The following FOXP1 variants were observed in gnomAD, a reference collection of about 807,000 sequenced individuals.
The protein encoded by FOXP1 is forkhead box P1.
A neutral mutation model predicts 98.2 loss-of-function variants in FOXP1; 15 were observed. The ratio of observed to expected loss-of-function variants is 0.15; its 90% CI spans 0.10 to 0.24. The LOEUF (loss-of-function observed/expected upper bound fraction) is 0.24. Among genes scored for constraint, FOXP1 ranks in the 10% least tolerant of loss-of-function variants. The pLI is 1.00. For synonymous variants in FOXP1, 371 were observed against 314.5 expected, an observed-to-expected ratio of 1.18 and a Z score of -1.90; for missense variants, 633 against 848.5, an observed-to-expected ratio of 0.75 and a Z score of 3.15.
chr3:71,311,752 T>C (rs1417393135), intron 4 of FOXP1, among the ~76,000 whole-genome samples: 2 of 152,228 alleles, frequency 1.3e-5, no homozygotes, highest in Admixed American at 1.3e-4. Flanking sequence ...ACTTGGCAGC[T>C]CTGTGCCCAC....
chr3:71,012,583 T>A, intron 12 of FOXP1, among the ~76,000 whole-genome samples: 1 of 152,204 alleles, frequency 6.6e-6, no homozygotes, highest in African/African-American at 2.4e-5. Context: ...ATGAAATAGA[T>A]TCACAGGCTT....
At chr3:71,368,609 G>GC (rs2079079841) in intron 3 of FOXP1, among the ~76,000 whole-genome samples, 5 of 152,198 alleles carry the variant, frequency 3.3e-5, no homozygotes, top group Admixed American at 2.6e-4. Flanking sequence ...GTAATCAATT[G>GC]TTGGGACTGT....
chr3:71,409,926 G>T (rs2082614383), intron 3 of FOXP1, among the ~76,000 whole-genome samples: 1 of 152,090 alleles, frequency 6.6e-6, no homozygotes. Flanking sequence ...GAGACGGGAG[G>T]ATAACCTGAG....
intron 3 of FOXP1, among the ~76,000 whole-genome samples, chr3:71,360,123 C>T (rs1405952791): frequency 1.3e-5 from 2 of 152,128 alleles, no homozygotes; most frequent in African/African-American, 4.8e-5. Flanking sequence ...GATAAATTCT[C>T]ATAATTACAG....
At chr3:71,013,738 G>C (rs2044016888) in intron 12 of FOXP1, among the ~76,000 whole-genome samples, 1 of 152,132 alleles carries the variant, frequency 6.6e-6, no homozygotes, top group Non-Finnish European at 1.5e-5. Context: ...CACACTACCT[G>C]ACTTCAAACT....
At chr3:71,257,396 G>A (rs1454095764) in intron 5 of FOXP1, among the ~76,000 whole-genome samples, 3 of 151,944 alleles carry the variant, frequency 2.0e-5, no homozygotes, top group East Asian at 3.9e-4. Flanking sequence ...TGGCCAACAC[G>A]GTGAAACCCC....
At chr3:71,127,655 C>T (rs923030968) in intron 6 of FOXP1, among the ~76,000 whole-genome samples, 7 of 152,204 alleles carry the variant, frequency 4.6e-5, no homozygotes, top group Non-Finnish European at 8.8e-5. Context: ...CTCTAGATCA[C>T]AGCGCTTCCA....
rs376143982 is a variant in FOXP1, at chr3:71,431,678, A to G, written c.-168+61748T>C. On this transcript the variant is annotated intron_variant, in intron 3 of 20. Coordinates refer to ENST00000649528, the MANE Select transcript of FOXP1 (RefSeq NM_001349338.3). ...TTTCCAAAGGTATTTGCTAAAGTTA[A>G]TAGAAACTTCAGAACTCCTACCTGC... Among the ~76,000 whole-genome samples, 20 of 152,352 alleles carry G rather than the reference A, an allele frequency of 1.3e-4. No homozygotes were observed. The East Asian group carries it at 3.9e-3, about 29-fold the overall frequency.
chr3:70,958,324 GTCATTCATTCTC>G lies in FOXP1; in HGVS notation c.*911_*922del. ...GAGTTTGTCTCTCTTTTTTTTTTCT[GTCATTCATTCTC>G]TTTCTGGCAGGACGTCACGTCTGTG... On this transcript the variant is annotated 3_prime_UTR_variant, in exon 21 of 21. Coordinates refer to ENST00000649528, the MANE Select transcript of FOXP1 (RefSeq NM_001349338.3). The G allele has an allele frequency of 9.5e-6, 5 of 526,930 alleles. No homozygotes were observed. Among genetic ancestry groups the G allele is most frequent in the African/African-American group, 7.8e-5 (4 of 51,136 alleles). The allele number at this position is 526,930 out of a possible 1,614,324, so 32.6% of individuals were successfully genotyped here.
At chr3:71,456,611 T>C (rs2087532232) in intron 3 of FOXP1, among the ~76,000 whole-genome samples, 1 of 152,180 alleles carries the variant, frequency 6.6e-6, no homozygotes, top group Admixed American at 6.6e-5. Flanking sequence ...GTATTTGTCT[T>C]CTTCAACATC....
chr3:71,471,132 C>T (rs1404976183), intron 3 of FOXP1, among the ~76,000 whole-genome samples: 1 of 152,196 alleles, frequency 6.6e-6, no homozygotes, highest in African/African-American at 2.4e-5. Flanking sequence ...TTTACTGCAT[C>T]CTACTGTGTG....
intron 3 of FOXP1, among the ~76,000 whole-genome samples, chr3:71,410,407 T>C (rs559784398): frequency 6.6e-6 from 1 of 152,370 alleles, no homozygotes; most frequent in African/African-American, 2.4e-5. Flanking sequence ...ATTATTATCT[T>C]TGTTTCCAAC....
intron 7 of FOXP1, among the ~76,000 whole-genome samples, chr3:71,109,367 A>G (rs1311543477): frequency 6.6e-6 from 1 of 152,046 alleles, no homozygotes; most frequent in Non-Finnish European, 1.5e-5. Flanking sequence ...GCCAAACATA[A>G]AGCAGGGAAG....
chr3:71,315,277 C>T (rs1210674541), intron 4 of FOXP1, among the ~76,000 whole-genome samples: 1 of 152,034 alleles, frequency 6.6e-6, no homozygotes, highest in Non-Finnish European at 1.5e-5. Context: ...CCAGCCACAC[C>T]AGGGCGCTTT....
rs59655430 is a variant in FOXP1, at chr3:71,314,530, A to AATATATATAT, written c.-72-14660_-72-14651dup. 9.6e-4 allele frequency among the ~76,000 whole-genome samples: 137 copies of AATATATATAT among 143,384 alleles called. 2 individuals are homozygous for AATATATATAT. The highest frequency in any genetic ancestry group is 3.3e-3 in the African/African-American group (128 of 39,318). 94.1% of individuals were successfully genotyped at this position (143,384 alleles called of 152,430 possible). On this transcript the variant is annotated intron_variant, in intron 4 of 20. Coordinates refer to ENST00000649528, the MANE Select transcript of FOXP1 (RefSeq NM_001349338.3). ...TGACAGAGTAAGACTCCGTCTAAAA[A>AATATATATAT]ATATATATATATATATATATATCTG...
chr3:71,460,753 T>G (rs2088005100), intron 3 of FOXP1, among the ~76,000 whole-genome samples: 1 of 152,162 alleles, frequency 6.6e-6, no homozygotes, highest in African/African-American at 2.4e-5. Flanking sequence ...TTTTCTAACC[T>G]AAAACAAAGA....
chr3:71,563,346 T>C (rs1051041286), intron 2 of FOXP1, among the ~76,000 whole-genome samples: 3 of 152,164 alleles, frequency 2.0e-5, no homozygotes, highest in African/African-American at 7.2e-5. Flanking sequence ...CCCCCTAGGA[T>C]GGCAGACCAA....
At chr3:71,379,282 T>C (rs2079962889) in intron 3 of FOXP1, among the ~76,000 whole-genome samples, 1 of 152,156 alleles carries the variant, frequency 6.6e-6, no homozygotes, top group South Asian at 2.1e-4. Flanking sequence ...TGATTTTAGG[T>C]GGTACAGGCA....
chr3:71,450,677 G>C (rs2086862517), intron 3 of FOXP1, among the ~76,000 whole-genome samples: 1 of 152,132 alleles, frequency 6.6e-6, no homozygotes, highest in African/African-American at 2.4e-5. Flanking sequence ...ACAAGCTCCT[G>C]TCTAAATACT....
Sources: gnomAD v4.1 joint callset for allele counts (sites outside exome capture counted in the v4.1 genomes callset) on GRCh38, gnomAD v4.1.1 for gene constraint, MANE v1.5 for transcripts, NCBI Gene and HGNC (gene_info 2026-07-23, HGNC 2026-07-21) for gene names.